The following PIWIL3 variants were observed in gnomAD, a reference collection of about 807,000 sequenced individuals.
The protein encoded by PIWIL3 is piwi like RNA-mediated gene silencing 3.
Under a neutral mutation model 109.7 loss-of-function variants are expected in PIWIL3, and 101 were observed. The observed-to-expected ratio is 0.92, with a 90% CI of 0.78 to 1.09. The LOEUF (loss-of-function observed/expected upper bound fraction) is 1.09. Among genes scored for constraint, PIWIL3 ranks in the 50% least tolerant of loss-of-function variants. PIWIL3 has a pLI of 0.00. For synonymous variants in PIWIL3, 373 were observed against 376.4 expected, an observed-to-expected ratio of 0.99 and a Z score of 0.10; for missense variants, 1,031 against 1,072.6, an observed-to-expected ratio of 0.96 and a Z score of 0.54.
chr22:24,770,704 A>G (rs5751979), intron 1 of PIWIL3, among the ~76,000 whole-genome samples: 66,453 of 149,058 alleles, frequency 0.45, 15,104 homozygotes, highest in East Asian at 0.59. Flanking sequence ...GCATGGTGGC[A>G]GGCACCTGTA....
At chr22:24,759,805 G>A (rs370128230) in intron 3 of PIWIL3, 64 bp downstream of exon 3, 10 of 1,607,648 alleles carry the variant, frequency 6.2e-6, no homozygotes, top group African/African-American at 4.0e-5. Context: ...ACCTTCTACC[G>A]CTGTGGTAGC....
rs545214189 is a variant in PIWIL3, at chr22:24,748,540, T to C, written c.1449+367A>G. Among the ~76,000 whole-genome samples, 76 of 152,320 alleles carry C rather than the reference T, an allele frequency of 5.0e-4. 2 individuals are homozygous for C. In the South Asian group the frequency reaches 0.015, roughly 30 times the overall value. On this transcript the variant is annotated intron_variant, in intron 12 of 20. Coordinates refer to ENST00000616349, the MANE Select transcript of PIWIL3 (RefSeq NM_001255975.1). ...AAATACCACATGTAACCCATAAATA[T>C]ACATACCTACTATGTACCCACAAAA... is the stretch of plus-strand genomic sequence containing the variant.
chr22:24,726,659 ATTAC>A lies in PIWIL3; in HGVS notation c.2010-1148_2010-1145del, dbSNP rs371871099. On this transcript the variant is annotated intron_variant, in intron 16 of 20. Transcript: ENST00000616349. ...CAGATTTTACACTATTAAAATAAGT[ATTAC>A]TTGAGAAAAGCATCTGTTGAATAAT... Among the ~76,000 whole-genome samples, 680 of 152,344 alleles carry A rather than the reference ATTAC, an allele frequency of 4.5e-3. 4 individuals are homozygous for A. The highest frequency in any genetic ancestry group is 0.015 in the African/African-American group (620 of 41,578).
chr22:24,740,047 G>T (rs1169480416), intron 12 of PIWIL3, among the ~76,000 whole-genome samples: 1 of 110,354 alleles, frequency 9.1e-6, no homozygotes, highest in African/African-American at 3.5e-5. Flanking sequence ...GTGAGACTCG[G>T]TCTCAAAAAA....
At chr22:24,744,324 G>A (rs1924224857) in intron 12 of PIWIL3, among the ~76,000 whole-genome samples, 1 of 151,652 alleles carries the variant, frequency 6.6e-6, no homozygotes, top group South Asian at 2.1e-4. Context: ...TGTAATCCCA[G>A]CACTTTGGGA....
chr22:24,725,897 G>A (rs962890241), intron 16 of PIWIL3, among the ~76,000 whole-genome samples: 1 of 152,144 alleles, frequency 6.6e-6, no homozygotes, highest in African/African-American at 2.4e-5. Flanking sequence ...ACTGAGGAAG[G>A]GGTTTGCTTT....
intron 12 of PIWIL3, among the ~76,000 whole-genome samples, chr22:24,745,717 G>GAAAAAA (rs71189273): frequency 1.2e-3 from 99 of 79,932 alleles, no homozygotes; most frequent in Non-Finnish European, 1.6e-3. Flanking sequence ...GTCAGACTAA[G>GAAAAAA]AAAAAAAAAA....
At chr22:24,763,501 T>C (rs919296281) in intron 1 of PIWIL3, among the ~76,000 whole-genome samples, 2 of 152,076 alleles carry the variant, frequency 1.3e-5, no homozygotes, top group Non-Finnish European at 2.9e-5. Flanking sequence ...GGTTTCACCA[T>C]GTTGGCCAGG....
At chr22:24,760,799 A>G (rs1925388416) in intron 2 of PIWIL3, among the ~76,000 whole-genome samples, 1 of 149,722 alleles carries the variant, frequency 6.7e-6, no homozygotes, top group East Asian at 2.0e-4. Flanking sequence ...AAAAAAAAAA[A>G]AAAAGCTGTG....
rs751055242 is a variant in PIWIL3 at position 24,762,418 on chromosome 22, T to C, written c.82A>G (p.Arg28Gly). 3 of 1,613,922 alleles carry C rather than the reference T, an allele frequency of 1.9e-6. No homozygotes were observed. Among genetic ancestry groups the C allele is most frequent in the Non-Finnish European group, 8.5e-7 (1 of 1,179,916 alleles). The change falls in exon 2 of 21, where the codon AGA (arginine) becomes GGA (glycine). Residue 28 changes from arginine to glycine, a missense_variant. Transcript: ENST00000616349. ...CTCACTGTAGCTGATCCAGGTGCTC[T>C]GGGTCCCCCAGGTGCCTCTTGTTGG... ...SYQQEAPGGP[R>G]APGSATTQEP...
chr22:24,725,641 T>G (rs1411910044), intron 16 of PIWIL3, 126 bp from the exon 17 acceptor site: 1 of 895,348 alleles, frequency 1.1e-6, no homozygotes, highest in East Asian at 2.5e-5. Context: ...AATTCATATC[T>G]CTACGGAGAT....
intron 8 of PIWIL3, 44 bp from the exon 9 acceptor site, chr22:24,751,542 C>T: frequency 1.3e-6 from 2 of 1,591,520 alleles, no homozygotes; most frequent in Non-Finnish European, 1.7e-6. Flanking sequence ...TTATTCATCA[C>T]ATGGAACCAT....
chr22:24,749,692 C>A lies in PIWIL3; in HGVS notation c.1216+1G>T, dbSNP rs1316245931. On this transcript the variant is annotated splice_donor_variant, in intron 10 of 20. Transcript: ENST00000616349. LOFTEE classifies it high-confidence loss of function. ...AAAGAGGGGCTGTAATCCATCAGTA[C>A]CTGTCATGTGGCACAGCTGAGGAAT... The A allele has an allele frequency of 6.2e-7, 1 of 1,614,136 alleles. No homozygotes were observed. The highest frequency in any genetic ancestry group is 1.7e-5 in the Admixed American group (1 of 60,020).
chr22:24,773,262 C>T (rs1926226915), intron 1 of PIWIL3, among the ~76,000 whole-genome samples: 1 of 152,204 alleles, frequency 6.6e-6, no homozygotes. Context: ...TACACACTGT[C>T]CCTTCCCCCT....
chr22:24,772,908 A>C (rs1159509207), intron 1 of PIWIL3, among the ~76,000 whole-genome samples: 1 of 152,162 alleles, frequency 6.6e-6, no homozygotes, highest in Non-Finnish European at 1.5e-5. Flanking sequence ...TCTGGACCTC[A>C]AGCCCCCATG....
At chr22:24,769,046 C>T (rs575259581) in intron 1 of PIWIL3, among the ~76,000 whole-genome samples, 189 of 152,238 alleles carry the variant, frequency 1.2e-3, no homozygotes, top group African/African-American at 4.3e-3. Flanking sequence ...ATACAGTCCT[C>T]CTTGGGTATC....
At chr22:24,759,440 G>A (rs946596147) in intron 3 of PIWIL3, among the ~76,000 whole-genome samples, 3 of 152,190 alleles carry the variant, frequency 2.0e-5, no homozygotes, top group Non-Finnish European at 4.4e-5. Flanking sequence ...CTTAGCAAAT[G>A]ACAATATCTG....
In PIWIL3 at chr22:24,719,324, T is replaced by G. The variant is rs772076993; in HGVS notation, c.*148A>C. On this transcript the variant is annotated 3_prime_UTR_variant, in exon 21 of 21. Coordinates refer to ENST00000616349, the MANE Select transcript of PIWIL3 (RefSeq NM_001255975.1). ...CTGTGGTAGTATTGAGAGTAGAACA[T>G]ATCACTCTGAATCTCTCCTGTGTCC... 1.2e-5 allele frequency: 7 copies of G among 589,974 alleles called. No individual in the cohort carries two copies. Among genetic ancestry groups the G allele is most frequent in the Non-Finnish European group, 1.8e-5 (6 of 341,098 alleles). The allele number at this position is 589,974 out of a possible 1,614,324, so 36.5% of individuals were successfully genotyped here.
At chr22:24,746,376 A>G (rs529491972) in intron 12 of PIWIL3, among the ~76,000 whole-genome samples, 6 of 152,186 alleles carry the variant, frequency 3.9e-5, no homozygotes, top group Non-Finnish European at 8.8e-5. Context: ...ATATCCCTTC[A>G]TAATTGAAAA....
Sources: gnomAD v4.1 joint callset for allele counts (sites outside exome capture counted in the v4.1 genomes callset) on GRCh38, gnomAD v4.1.1 for gene constraint, MANE v1.5 for transcripts, NCBI Gene and HGNC (gene_info 2026-07-23, HGNC 2026-07-21) for gene names.